Variants in ADARB2 observed in about 807,000 individuals in gnomAD.
ADARB2 encodes the protein inactive double-stranded RNA-specific editase B2.
Under a neutral mutation model 62.2 loss-of-function variants are expected in ADARB2, and 25 were observed. That is an observed-to-expected ratio of 0.40 (90% CI 0.29 to 0.56). ADARB2 has a LOEUF of 0.56. Among genes scored for constraint, ADARB2 ranks in the 20% least tolerant of loss-of-function variants. ADARB2 has a pLI of 0.43. For synonymous variants in ADARB2, 572 were observed against 500.8 expected (o/e 1.14, Z -1.90); for missense variants, 1,071 against 1,077.4 (o/e 0.99, Z 0.08).
intron 1 of ADARB2, among the ~76,000 whole-genome samples, chr10:1,449,803 G>T (rs974229922): frequency 1.3e-5 from 2 of 152,212 alleles, no homozygotes; most frequent in African/African-American, 4.8e-5. Flanking sequence ...GCACTCAATG[G>T]CTAAATTAAG....
At chr10:1,231,312 C>A (rs1830802069) in intron 6 of ADARB2, among the ~76,000 whole-genome samples, 1 of 152,204 alleles carries the variant, frequency 6.6e-6, no homozygotes, top group South Asian at 2.1e-4. Context: ...AGATAATTCC[C>A]AGTAGCTGTC....
At chr10:1,462,473 G>A (rs1831187604) in intron 1 of ADARB2, among the ~76,000 whole-genome samples, 1 of 152,260 alleles carries the variant, frequency 6.6e-6, no homozygotes, top group African/African-American at 2.4e-5. Flanking sequence ...GATGAGGCTG[G>A]GGGCTTGAGA....
At chr10:1,482,381 G>A (rs1831485544) in intron 1 of ADARB2, among the ~76,000 whole-genome samples, 1 of 152,232 alleles carries the variant, frequency 6.6e-6, no homozygotes, top group Non-Finnish European at 1.5e-5. Flanking sequence ...TGGAATTCTG[G>A]TTTGTGCATA....
At chr10:1,493,463 G>A (rs1278931256) in intron 1 of ADARB2, among the ~76,000 whole-genome samples, 4 of 152,224 alleles carry the variant, frequency 2.6e-5, no homozygotes, top group East Asian at 3.9e-4. Flanking sequence ...TAAAATAGTG[G>A]CAAATTGGTC....
intron 8 of ADARB2, among the ~76,000 whole-genome samples, chr10:1,199,202 A>AT (rs1463101739): frequency 6.7e-6 from 1 of 149,244 alleles, no homozygotes; most frequent in Non-Finnish European, 1.5e-5. Flanking sequence ...GCTGGCGGTG[A>AT]TTCGGAAACC....
intron 1 of ADARB2, among the ~76,000 whole-genome samples, chr10:1,633,009 G>A (rs1833861948): frequency 6.6e-6 from 1 of 152,184 alleles, no homozygotes; most frequent in African/African-American, 2.4e-5. Context: ...GCTGGGGGCA[G>A]GGTGGATCGC....
chr10:1,668,154 G>T (rs181474872), intron 1 of ADARB2, among the ~76,000 whole-genome samples: 4 of 152,278 alleles, frequency 2.6e-5, no homozygotes, highest in Non-Finnish European at 4.4e-5. Flanking sequence ...CCCACCACTC[G>T]GCTGTCATCC....
intron 1 of ADARB2, among the ~76,000 whole-genome samples, chr10:1,411,426 G>A (rs1032074365): frequency 2.6e-5 from 4 of 152,260 alleles, no homozygotes; most frequent in African/African-American, 9.6e-5. Flanking sequence ...GGGAGGTTCA[G>A]GAGAAACCAG....
intron 1 of ADARB2, among the ~76,000 whole-genome samples, chr10:1,606,888 T>A (rs2892396): frequency 0.13 from 20,318 of 152,220 alleles, 1,614 homozygotes; most frequent in Non-Finnish European, 0.18. Flanking sequence ...CGGCCTGTGC[T>A]GTTGTGCCAT....
chr10:1,421,645 G>A (rs1168454800), intron 1 of ADARB2, among the ~76,000 whole-genome samples: 4 of 152,152 alleles, frequency 2.6e-5, no homozygotes, highest in South Asian at 2.1e-4. Flanking sequence ...TAAGACTCAC[G>A]ATGCTCAGAT....
At chr10:1,643,838 T>G (rs776465842) in intron 1 of ADARB2, among the ~76,000 whole-genome samples, 1 of 152,160 alleles carries the variant, frequency 6.6e-6, no homozygotes, top group Non-Finnish European at 1.5e-5. Context: ...CTGAGAATGA[T>G]TGGAGCCTGC....
At chr10:1,591,959 G>C (rs1833262676) in intron 1 of ADARB2, among the ~76,000 whole-genome samples, 1 of 152,230 alleles carries the variant, frequency 6.6e-6, no homozygotes, top group South Asian at 2.1e-4. Flanking sequence ...TCACCCACCA[G>C]CCTGTGGACA....
chr10:1,557,181 A>G (rs1832716722), intron 1 of ADARB2, among the ~76,000 whole-genome samples: 1 of 150,996 alleles, frequency 6.6e-6, no homozygotes, highest in South Asian at 2.1e-4. Context: ...CTGTGCTCCC[A>G]TCTTTACCCA....
chr10:1,503,530 G>T (rs1170025586), intron 1 of ADARB2, among the ~76,000 whole-genome samples: 1 of 151,946 alleles, frequency 6.6e-6, no homozygotes, highest in East Asian at 1.9e-4. Context: ...CACATTCATT[G>T]TATCATTTCC....
chr10:1,567,655 C>T (rs1196093115), intron 1 of ADARB2, among the ~76,000 whole-genome samples: 1 of 152,206 alleles, frequency 6.6e-6, no homozygotes, highest in Non-Finnish European at 1.5e-5. Context: ...CAGGTGCCTC[C>T]ACAGCCCTAC....
chr10:1,185,149 C>T, intron 8 of ADARB2, 110 bp from the exon 9 acceptor site: 3 of 1,339,428 alleles, frequency 2.2e-6, no homozygotes, highest in Admixed American at 2.4e-5. Context: ...GAATGGTCCT[C>T]CCTTTTCATC....
chr10:1,498,983 C>T (rs1168399035), intron 1 of ADARB2, among the ~76,000 whole-genome samples: 1 of 141,668 alleles, frequency 7.1e-6, no homozygotes, highest in Non-Finnish European at 1.5e-5. Context: ...TCATTCATCG[C>T]TCACTAATCA....
intron 1 of ADARB2, among the ~76,000 whole-genome samples, chr10:1,530,619 A>G (rs1256716972): frequency 2.6e-5 from 4 of 152,020 alleles, no homozygotes; most frequent in African/African-American, 9.7e-5. Flanking sequence ...AAAGCCCTCC[A>G]TGCACACCGA....
At chr10:1,664,763 C>T (rs1054352074) in intron 1 of ADARB2, among the ~76,000 whole-genome samples, 4 of 152,256 alleles carry the variant, frequency 2.6e-5, no homozygotes, top group East Asian at 1.9e-4. Context: ...GACTCCCATG[C>T]GGCTGACTCT....
Sources: allele counts gnomAD v4.1 joint callset (sites outside exome capture counted in the v4.1 genomes callset), GRCh38; gene constraint gnomAD v4.1.1; transcripts MANE v1.5; gene names NCBI Gene and HGNC (gene_info 2026-07-23, HGNC 2026-07-21).